Variants in MGST3 observed in about 807,000 individuals in gnomAD.
MGST3 encodes the protein microsomal glutathione S-transferase 3, also known as glutathione S-transferase 3, mitochondrial.
MGST3 carries 13 observed loss-of-function variants against 15.8 expected under a neutral mutation model. That is an observed-to-expected ratio of 0.82 (90% CI 0.54 to 1.31). The LOEUF (loss-of-function observed/expected upper bound fraction) is 1.31, where lower values mean the gene tolerates loss of function less well. Among genes scored for constraint, MGST3 ranks in the 50% most tolerant of loss-of-function variants. The pLI, the probability that MGST3 is intolerant of heterozygous loss-of-function variation, is 0.00. For synonymous variants in MGST3, 49 were observed against 68.1 expected (o/e 0.72, Z 1.38); for missense variants, 155 against 192.4 (o/e 0.81, Z 1.15).
Position 165,655,559 on chromosome 1 carries a change from C to G in MGST3, c.*55C>G. The G allele has an allele frequency of 6.2e-7, 1 of 1,605,408 alleles. No individual in the cohort carries two copies. The highest frequency in any genetic ancestry group is 8.5e-7 in the Non-Finnish European group (1 of 1,174,108). On this transcript the variant is annotated 3_prime_UTR_variant, in exon 6 of 6. Coordinates refer to ENST00000367889, the MANE Select transcript of MGST3 (RefSeq NM_004528.4). Reference sequence around the variant, plus strand: ...CATTTTAAATGACTTACCTTTATTTCCAGTTACATTTTTTTTCTAAATATA... The same window carrying G: ...CATTTTAAATGACTTACCTTTATTTGCAGTTACATTTTTTTTCTAAATATA...
intron 1 of MGST3, among the ~76,000 whole-genome samples, chr1:165,642,218 G>C (rs9333433): frequency 0.28 from 42,058 of 152,096 alleles, 6,976 homozygotes; most frequent in African/African-American, 0.45. Context: ...TTCCCTGTTC[G>C]TCTCCAGCAC....
intron 1 of MGST3, chr1:165,647,406 C>A (rs1360212379): frequency 6.6e-6 from 1 of 152,152 alleles, no homozygotes; most frequent in Non-Finnish European, 1.5e-5. Flanking sequence ...GACTAAGCCA[C>A]CAAATTTGAA....
chr1:165,642,733 G>A (rs979835003), intron 1 of MGST3, among the ~76,000 whole-genome samples: 1 of 152,162 alleles, frequency 6.6e-6, no homozygotes, highest in Non-Finnish European at 1.5e-5. Context: ...TAACAAGTGA[G>A]GAAACTGAGG....
intron 1 of MGST3, among the ~76,000 whole-genome samples, chr1:165,631,531 C>G (rs1214424960): frequency 6.6e-6 from 1 of 152,198 alleles, no homozygotes; most frequent in Non-Finnish European, 1.5e-5. Context: ...GAGGCCCGAC[C>G]TATTTATGTG....
Position 165,649,973 on chromosome 1 carries a change from G to A in MGST3, c.117+9G>A, listed in dbSNP as rs1385566744. ...AGAAGTACAAAGTGGAGGTAAGTGGGAACACAAGCTGGTGCCCTTGTAGGC... is the reference window on the plus strand; with the variant it reads ...AGAAGTACAAAGTGGAGGTAAGTGGAAACACAAGCTGGTGCCCTTGTAGGC... On this transcript the variant is annotated intron_variant, in intron 2 of 5. Coordinates refer to ENST00000367889, the MANE Select transcript of MGST3 (RefSeq NM_004528.4). 1.2e-6 allele frequency: 2 copies of A among 1,613,738 alleles called. No homozygotes were observed. The highest frequency in any genetic ancestry group is 8.5e-7 in the Non-Finnish European group (1 of 1,180,026).
chr1:165,640,230 GT>G (rs1648225648), intron 1 of MGST3, among the ~76,000 whole-genome samples: 1 of 151,976 alleles, frequency 6.6e-6, no homozygotes, highest in Non-Finnish European at 1.5e-5. Context: ...TTGCTTTGTT[GT>G]CTCGAACCTC....
In MGST3 at chr1:165,638,447, C is replaced by T. The variant is rs1009443561; in HGVS notation, c.-8+7154C>T. Among the ~76,000 whole-genome samples, 6 of 152,062 alleles carry T rather than the reference C, an allele frequency of 3.9e-5. No individual in the cohort carries two copies. The East Asian group carries it at 7.7e-4, about 20-fold the overall frequency. ...TGATTGTGCCACTTCCACTCCAGCCCGGATGACAGAGGGGGACCCTGTCTC... is the reference window on the plus strand; with the variant it reads ...TGATTGTGCCACTTCCACTCCAGCCTGGATGACAGAGGGGGACCCTGTCTC... On this transcript the variant is annotated intron_variant, in intron 1 of 5. Coordinates refer to ENST00000367889, the MANE Select transcript of MGST3 (RefSeq NM_004528.4).
intron 2 of MGST3, 58 bp from the exon 3 acceptor site, chr1:165,650,955 AC>A: frequency 6.8e-7 from 1 of 1,469,924 alleles, no homozygotes; most frequent in Non-Finnish European, 9.5e-7. Flanking sequence ...GTTCATTTTA[AC>A]TTTCAACACT....
chr1:165,646,637 G>T (rs1188867543), intron 1 of MGST3: 1 of 152,254 alleles, frequency 6.6e-6, no homozygotes, highest in Non-Finnish European at 1.5e-5. Flanking sequence ...TGTGCCAGAT[G>T]ATAGAGATTA....
intron 1 of MGST3, among the ~76,000 whole-genome samples, chr1:165,634,780 T>TCTCC (rs1175206266): frequency 3.7e-4 from 23 of 62,130 alleles, no homozygotes; most frequent in South Asian, 2.1e-3. Context: ...TCTCCCTCCC[T>TCTCC]CTCCCTCCCT....
At chr1:165,633,343 A>G (rs1472222499) in intron 1 of MGST3, among the ~76,000 whole-genome samples, 1 of 152,234 alleles carries the variant, frequency 6.6e-6, no homozygotes, top group Non-Finnish European at 1.5e-5. Flanking sequence ...ATCCTTTAGA[A>G]TCATAGATCT....
chr1:165,632,188 G>T, intron 1 of MGST3: 12 of 1,556,718 alleles, frequency 7.7e-6, no homozygotes, highest in Non-Finnish European at 9.7e-6. Flanking sequence ...ACTAGGATGG[G>T]TAGAAGGAGA....
chr1:165,643,544 T>A, intron 1 of MGST3, among the ~76,000 whole-genome samples: 1 of 141,344 alleles, frequency 7.1e-6, no homozygotes. Flanking sequence ...CATAGGAAGA[T>A]CCTATCTCTT....
intron 4 of MGST3, 42 bp downstream of exon 4, chr1:165,652,077 C>T (rs1451879935): frequency 1.5e-6 from 2 of 1,361,650 alleles, no homozygotes; most frequent in Non-Finnish European, 1.0e-6. Flanking sequence ...GATAGTAGTT[C>T]ACTGAGCTAT....
At chr1:165,634,703 T>A (rs761697947) in intron 1 of MGST3, among the ~76,000 whole-genome samples, 48 of 149,066 alleles carry the variant, frequency 3.2e-4, no homozygotes, top group Non-Finnish European at 5.6e-4. Flanking sequence ...TTGTCTTCCC[T>A]GACTGCATGC....
intron 5 of MGST3, 127 bp downstream of exon 5, chr1:165,654,478 C>G: frequency 1.2e-6 from 1 of 838,992 alleles, no homozygotes; most frequent in South Asian, 1.3e-5. Flanking sequence ...ATTGCTTGAG[C>G]TCAGGAGTTG....
intron 1 of MGST3, chr1:165,631,966 C>A: frequency 2.5e-6 from 1 of 402,492 alleles, no homozygotes; most frequent in Non-Finnish European, 4.5e-6. Flanking sequence ...TCAGAAAATG[C>A]CCCTTCTTTA....
At chr1:165,636,241 A>G (rs1445880650) in intron 1 of MGST3, among the ~76,000 whole-genome samples, 6 of 152,080 alleles carry the variant, frequency 3.9e-5, no homozygotes, top group Admixed American at 2.0e-4. Flanking sequence ...GGGTTTCACC[A>G]TGTTGCCCAG....
chr1:165,654,547 C>T (rs915648437), intron 5 of MGST3, among the ~76,000 whole-genome samples, 196 bp downstream of exon 5: 1 of 151,952 alleles, frequency 6.6e-6, no homozygotes, highest in African/African-American at 2.4e-5. Context: ...AAAAATTAGC[C>T]GGATGTGGTG....
Sources: gnomAD v4.1 joint callset for allele counts (sites outside exome capture counted in the v4.1 genomes callset) on GRCh38, gnomAD v4.1.1 for gene constraint, MANE v1.5 for transcripts, NCBI Gene and HGNC (gene_info 2026-07-23, HGNC 2026-07-21) for gene names.